NRG1: variants seen among roughly 807,000 people sequenced by gnomAD.
NRG1 encodes the protein neuregulin 1, also known as pro-neuregulin-1, membrane-bound isoform.
Under a neutral mutation model 63.8 loss-of-function variants are expected in NRG1, and 18 were observed. The observed-to-expected ratio is 0.28, with a 90% CI of 0.19 to 0.42. NRG1 has a LOEUF of 0.42. Among genes scored for constraint, NRG1 ranks in the 10% least tolerant of loss-of-function variants. The pLI is 1.00. For missense variants in NRG1, 762 were observed against 814.7 expected, an observed-to-expected ratio of 0.94 and a Z score of 0.79; for synonymous variants, 302 against 301.3, an observed-to-expected ratio of 1.00 and a Z score of -0.02.
At chr8:32,539,979 GGA>G (rs1270398662) in intron 1 of NRG1, among the ~76,000 whole-genome samples, 1 of 152,122 alleles carries the variant, frequency 6.6e-6, no homozygotes, top group African/African-American at 2.4e-5. Context: ...TTAGATTGGT[GGA>G]GAGTTGGAGA....
At chr8:32,533,609 A>G (rs1831672947) in intron 1 of NRG1, among the ~76,000 whole-genome samples, 1 of 152,086 alleles carries the variant, frequency 6.6e-6, no homozygotes, top group Non-Finnish European at 1.5e-5. Context: ...ACATTTAGCC[A>G]TGAAAAAGAG....
chr8:32,507,650 A>C (rs1828690425), intron 1 of NRG1, among the ~76,000 whole-genome samples: 1 of 152,194 alleles, frequency 6.6e-6, no homozygotes, highest in African/African-American at 2.4e-5. Context: ...TTTTAGTGGC[A>C]ATGTATAACA....
chr8:32,221,006 C>T (rs1483158362), intron 1 of NRG1: 4 of 152,126 alleles, frequency 2.6e-5, no homozygotes, highest in Non-Finnish European at 4.4e-5. Context: ...GAGATTTATC[C>T]GTAAACGAGG....
At chr8:32,446,886 G>T (rs574379886) in intron 1 of NRG1, among the ~76,000 whole-genome samples, 1 of 152,206 alleles carries the variant, frequency 6.6e-6, no homozygotes, top group South Asian at 2.1e-4. Flanking sequence ...AGGAAGGAAG[G>T]TCAGACAATA....
chr8:31,875,593 CTT>C (rs979797391), intron 1 of NRG1, among the ~76,000 whole-genome samples: 36 of 152,124 alleles, frequency 2.4e-4, no homozygotes. Flanking sequence ...AGTGGGTTCT[CTT>C]TTCTTCCTGT....
intron 5 of NRG1, among the ~76,000 whole-genome samples, chr8:32,708,831 C>G (rs1035491626): frequency 6.6e-6 from 1 of 152,144 alleles, no homozygotes; most frequent in African/African-American, 2.4e-5. Context: ...TGTTATCACA[C>G]ATGGGTACAT....
intron 1 of NRG1, among the ~76,000 whole-genome samples, chr8:32,161,055 C>T (rs1415787947): frequency 6.6e-6 from 1 of 152,106 alleles, no homozygotes; most frequent in Non-Finnish European, 1.5e-5. Context: ...AATGTTGTAG[C>T]CACAAGTAAT....
intron 1 of NRG1, among the ~76,000 whole-genome samples, chr8:32,450,579 CTATTTTTTG>C (rs1263769400): frequency 2.0e-5 from 3 of 152,072 alleles, no homozygotes; most frequent in East Asian, 1.9e-4. Context: ...CCACACCTGG[CTATTTTTTG>C]TATTTTTTGT....
intron 5 of NRG1, among the ~76,000 whole-genome samples, chr8:32,678,827 G>A (rs1807867668): frequency 6.6e-6 from 1 of 152,106 alleles, no homozygotes. Flanking sequence ...CATGCTGAAT[G>A]TGCTATCTTT....
At chr8:31,716,848 T>C (rs1344047770) in intron 1 of NRG1, among the ~76,000 whole-genome samples, 3 of 152,252 alleles carry the variant, frequency 2.0e-5, no homozygotes, top group Non-Finnish European at 4.4e-5. Context: ...TTAAATTCTA[T>C]AATTTAAAAT....
intron 1 of NRG1, among the ~76,000 whole-genome samples, chr8:32,363,260 T>C (rs1807473867): frequency 6.6e-6 from 1 of 152,160 alleles, no homozygotes; most frequent in Non-Finnish European, 1.5e-5. Flanking sequence ...TCTATATCCA[T>C]CAAATGGGAA....
At chr8:32,201,127 C>T (rs1175457269) in intron 1 of NRG1, among the ~76,000 whole-genome samples, 1 of 152,212 alleles carries the variant, frequency 6.6e-6, no homozygotes, top group Admixed American at 6.5e-5. Context: ...CCATTTTAAT[C>T]AATCAGCTGC....
At chr8:31,940,248 A>C (rs1801553028) in intron 1 of NRG1, among the ~76,000 whole-genome samples, 2 of 152,118 alleles carry the variant, frequency 1.3e-5, no homozygotes, top group Non-Finnish European at 1.5e-5. Flanking sequence ...TCCTAAAGGC[A>C]TCCCCAAACC....
chr8:32,597,565 T>C (rs186986270), intron 2 of NRG1, among the ~76,000 whole-genome samples: 1 of 151,700 alleles, frequency 6.6e-6, no homozygotes, highest in South Asian at 2.1e-4. Context: ...ATATTACTAA[T>C]TTTTTTTACA....
At chr8:31,911,085 C>A (rs150211386) in intron 1 of NRG1, among the ~76,000 whole-genome samples, 17 of 152,240 alleles carry the variant, frequency 1.1e-4, no homozygotes, top group African/African-American at 3.9e-4. Context: ...AAGTGCAGCA[C>A]GTGAGCCCCA....
rs117623421 is a variant in NRG1 at position 31,862,904 on chromosome 8, C to T, written c.37+223473C>T. 4.1e-3 allele frequency among the ~76,000 whole-genome samples: 619 copies of T among 152,300 alleles called. 1 individual carries two copies. Among genetic ancestry groups the T allele is most frequent in the Middle Eastern group, 0.024 (7 of 294 alleles). Reference sequence around the variant, plus strand: ...GGAATACTCCATGGGCACAGGCATCCTCCCGAGCCATATTGGTTGTAGTGT... The same window carrying T: ...GGAATACTCCATGGGCACAGGCATCTTCCCGAGCCATATTGGTTGTAGTGT... On this transcript the variant is annotated intron_variant, in intron 1 of 10. Transcript: ENST00000519301.
intron 1 of NRG1, among the ~76,000 whole-genome samples, chr8:32,185,817 TAC>T (rs374865731): frequency 3.5e-4 from 53 of 152,344 alleles, no homozygotes; most frequent in African/African-American, 1.3e-3. Context: ...ATCCTATAGC[TAC>T]AGTTTCTCCA....
At chr8:31,750,821 T>C (rs566318211) in intron 1 of NRG1, among the ~76,000 whole-genome samples, 2 of 152,108 alleles carry the variant, frequency 1.3e-5, no homozygotes, top group South Asian at 4.1e-4. Flanking sequence ...AGCTTTCTTC[T>C]AGTTTTGTAG....
chr8:32,341,481 A>C (rs1318053295), intron 1 of NRG1, among the ~76,000 whole-genome samples: 3 of 152,100 alleles, frequency 2.0e-5, no homozygotes, highest in African/African-American at 4.8e-5. Context: ...TCGCCTTGGG[A>C]TCTTCAGACT....
Sources: allele counts gnomAD v4.1 joint callset (sites outside exome capture counted in the v4.1 genomes callset), GRCh38; gene constraint gnomAD v4.1.1; transcripts MANE v1.5; gene names NCBI Gene and HGNC (gene_info 2026-07-23, HGNC 2026-07-21).